Variants in CDCP1 observed in about 807,000 individuals in gnomAD.
The protein encoded by CDCP1 is CUB domain containing protein 1.
Under a neutral mutation model 60.2 loss-of-function variants are expected in CDCP1, and 29 were observed. The ratio of observed to expected loss-of-function variants is 0.48; its 90% CI spans 0.36 to 0.66. The LOEUF (loss-of-function observed/expected upper bound fraction) is 0.66, where lower values mean the gene tolerates loss of function less well. Ranked by LOEUF, CDCP1 falls within the 30% of genes least tolerant of loss-of-function variation. The pLI is 0.00. For missense variants in CDCP1, 876 were observed against 1,074.3 expected (o/e 0.82, Z 2.58); for synonymous variants, 387 against 431.1 (o/e 0.90, Z 1.27).
intron 2 of CDCP1, among the ~76,000 whole-genome samples, chr3:45,113,734 AGCC>A (rs1343488402): frequency 6.6e-6 from 1 of 152,218 alleles, no homozygotes; most frequent in Non-Finnish European, 1.5e-5. Context: ...GTGTTTGGTC[AGCC>A]CTTTCTTGCC....
At position 45,093,419 on chromosome 3, in the gene CDCP1, G is replaced by A. The variant is rs746698663; in HGVS notation, c.1485C>T (p.Phe495=). Residue 495 remains phenylalanine, a synonymous_variant, in exon 6 of 9, where the codon TTC becomes TTT. Coordinates refer to ENST00000296129, the MANE Select transcript of CDCP1 (RefSeq NM_022842.5). ...ASAIPSQDLY[F]GSFCPGGSIK... ...TAGAGCCTCCCGGGCAGAAGGAGCC[G>A]AAGTACAGGTCCTGGCTGGGTATGG... 7.4e-6 allele frequency: 12 copies of A among 1,614,032 alleles called. No homozygotes were observed. The highest frequency in any genetic ancestry group is 2.7e-5 in the African/African-American group (2 of 74,928).
At chr3:45,087,795 G>A (rs529067812) in intron 8 of CDCP1, among the ~76,000 whole-genome samples, 1 of 152,258 alleles carries the variant, frequency 6.6e-6, no homozygotes, top group South Asian at 2.1e-4. Context: ...CGAGGCGGGT[G>A]GATCACAAGG....
In CDCP1 at chr3:45,095,262, C is replaced by T; in HGVS notation, c.1246+85G>A. ...TGGGCCTTTTTGATATGATTTACAA[C>T]CTACCCAGGGAACCCCACTAAGGCA... On this transcript the variant is annotated intron_variant, in intron 5 of 8. Transcript: ENST00000296129. 5 of 1,252,606 alleles carry T rather than the reference C, an allele frequency of 4.0e-6. No homozygotes were observed. The South Asian group carries it at 6.5e-5, about 16-fold the overall frequency. 77.6% of individuals were successfully genotyped at this position (1,252,606 alleles called of 1,614,324 possible). A position where few individuals can be genotyped will look rare whatever the true frequency, so the allele number is the denominator to read the frequency against.
intron 4 of CDCP1, among the ~76,000 whole-genome samples, chr3:45,108,053 G>C (rs1576093420): frequency 6.6e-6 from 1 of 152,098 alleles, no homozygotes; most frequent in East Asian, 1.9e-4. Context: ...GGGAGGTGGA[G>C]GTTACAGTGA....
chr3:45,122,266 C>A lies in CDCP1; in HGVS notation c.83-3645G>T, dbSNP rs185328648. 3.3e-5 allele frequency among the ~76,000 whole-genome samples: 5 copies of A among 151,702 alleles called. No individual in the cohort carries two copies. The East Asian group carries it at 9.7e-4, about 29-fold the overall frequency. On this transcript the variant is annotated intron_variant, in intron 1 of 8. Transcript: ENST00000296129. The stretch of plus-strand genomic sequence containing the variant: ...TCAAGCTATTCTCCTGCCTCAGCCT[C>A]CCGAGTAGCTGGGACTAAAGGCATG...
intron 4 of CDCP1, among the ~76,000 whole-genome samples, chr3:45,103,252 G>A (rs1402608639): frequency 6.6e-6 from 1 of 152,088 alleles, no homozygotes; most frequent in African/African-American, 2.4e-5. Flanking sequence ...TTTTGTCTCT[G>A]GCTTTTTTTC....
intron 4 of CDCP1, among the ~76,000 whole-genome samples, chr3:45,099,736 T>G (rs1698459373): frequency 6.6e-6 from 1 of 152,086 alleles, no homozygotes; most frequent in Non-Finnish European, 1.5e-5. Flanking sequence ...TTTCAGCCCT[T>G]TTGACTCTTT....
At chr3:45,116,399 G>A (rs567599110) in intron 2 of CDCP1, among the ~76,000 whole-genome samples, 4 of 146,114 alleles carry the variant, frequency 2.7e-5, no homozygotes, top group Admixed American at 6.8e-5. Context: ...GAGTTGAGGA[G>A]CCATAGTGTT....
intron 1 of CDCP1, 129 bp from the exon 2 acceptor site, chr3:45,118,750 G>A: frequency 1.5e-6 from 1 of 682,134 alleles, no homozygotes; most frequent in Non-Finnish European, 2.5e-6. Flanking sequence ...CCTTTTCTGA[G>A]AAGAAGGGTG....
intron 2 of CDCP1, among the ~76,000 whole-genome samples, chr3:45,113,492 T>C (rs768206295): frequency 2.0e-5 from 3 of 152,190 alleles, no homozygotes; most frequent in Non-Finnish European, 4.4e-5. Context: ...TGTGATAGAC[T>C]CTGGCCTCCA....
At chr3:45,126,321 G>C (rs914659861) in intron 1 of CDCP1, among the ~76,000 whole-genome samples, 1 of 149,102 alleles carries the variant, frequency 6.7e-6, no homozygotes, top group African/African-American at 2.5e-5. Flanking sequence ...TTCTTATTAA[G>C]TGAATGCAGT....
chr3:45,122,987 A>G (rs570728365), intron 1 of CDCP1, among the ~76,000 whole-genome samples: 107 of 143,544 alleles, frequency 7.5e-4, no homozygotes, highest in Non-Finnish European at 1.3e-3. Context: ...GTACTGGTCT[A>G]TGCTGAGACG....
In CDCP1 at chr3:45,110,857, C is replaced by A. The variant is rs1236245180; in HGVS notation, c.656-16G>T. 5 of 1,597,348 alleles carry A rather than the reference C, an allele frequency of 3.1e-6. No homozygotes were observed. The highest frequency in any genetic ancestry group is 4.3e-6 in the Non-Finnish European group (5 of 1,169,516). On this transcript the variant is annotated splice_polypyrimidine_tract_variant and intron_variant, in intron 3 of 8. Transcript: ENST00000296129. ...ATGCACAGACCTAGTGGGAGTGGAA[C>A]CCAAACCAGAAAGAATAGGGAGCCA...
chr3:45,093,234 G>A (rs1421714292), intron 6 of CDCP1, 43 bp downstream of exon 6: 4 of 1,567,360 alleles, frequency 2.6e-6, no homozygotes, highest in Non-Finnish European at 3.5e-6. Context: ...TCAAATAAAC[G>A]CTTAAACTAA....
At chr3:45,108,811 G>A (rs1698625135) in intron 4 of CDCP1, among the ~76,000 whole-genome samples, 2 of 37,768 alleles carry the variant, frequency 5.3e-5, no homozygotes, top group African/African-American at 1.1e-4. Flanking sequence ...ATATATGCAT[G>A]TATACATATA....
At position 45,091,483 on chromosome 3, in the gene CDCP1, G is replaced by T; in HGVS notation, c.1683C>A (p.Thr561=). 5 of 1,609,484 alleles carry T rather than the reference G, an allele frequency of 3.1e-6. No homozygotes were observed. Among genetic ancestry groups the T allele is most frequent in the Non-Finnish European group, 4.2e-6 (5 of 1,177,728 alleles). The change falls in exon 7 of 9, where the codon ACC becomes ACA. Residue 561 remains threonine, a synonymous_variant. Coordinates refer to ENST00000296129, the MANE Select transcript of CDCP1 (RefSeq NM_022842.5). This position sits in a 1 kb window ranked among gnomAD's most constrained non-coding sequence, Gnocchi z 4.8. ...ATGGCAGGCCCCGGTCCCAGTTGGG[G>T]GTCCTCAGGTAGACCTTGCTTTTTG... The part of the protein sequence containing the change: ...PDTKSKVYLR[T]PNWDRGLPSL...
chr3:45,140,612 G>A lies in CDCP1; in HGVS notation c.82+5594C>T, dbSNP rs114185066. Reference sequence around the variant, plus strand: ...CAGCTAGGGAGCCCTGGCAAGTCACGTCACCTCTCTGTGCCTACTAACAGG... The same window carrying A: ...CAGCTAGGGAGCCCTGGCAAGTCACATCACCTCTCTGTGCCTACTAACAGG... On this transcript the variant is annotated intron_variant, in intron 1 of 8. Coordinates refer to ENST00000296129, the MANE Select transcript of CDCP1 (RefSeq NM_022842.5). Among the ~76,000 whole-genome samples the A allele has an allele frequency of 1.7e-3, 262 of 152,278 alleles. 1 individual carries two copies. Among genetic ancestry groups the A allele is most frequent in the African/African-American group, 5.7e-3 (238 of 41,572 alleles).
Position 45,136,073 on chromosome 3 carries a change from C to T in CDCP1, c.82+10133G>A, listed in dbSNP as rs545277932. 5.3e-5 allele frequency among the ~76,000 whole-genome samples: 8 copies of T among 152,228 alleles called. No homozygotes were observed. In the East Asian group the frequency reaches 1.2e-3, roughly 22 times the overall value. On this transcript the variant is annotated intron_variant, in intron 1 of 8. Transcript: ENST00000296129. Reference sequence around the variant, plus strand: ...ATAAGGGCACACAGAGCTAGATGCACAAGGGGTCGCCAATATCTACAGAAT... The same window carrying T: ...ATAAGGGCACACAGAGCTAGATGCATAAGGGGTCGCCAATATCTACAGAAT...
At chr3:45,135,923 T>C (rs1002626354) in intron 1 of CDCP1, among the ~76,000 whole-genome samples, 3 of 152,188 alleles carry the variant, frequency 2.0e-5, no homozygotes, top group African/African-American at 7.2e-5. Context: ...TCAAATACTT[T>C]GTAATTTAGG....
Sources: gnomAD v4.1 joint callset for allele counts (sites outside exome capture counted in the v4.1 genomes callset) on GRCh38, gnomAD v4.1.1 for gene constraint, Gnocchi (gnomAD v3.1) non-coding constraint, MANE v1.5 for transcripts, NCBI Gene and HGNC (gene_info 2026-07-23, HGNC 2026-07-21) for gene names.